RBFOX1: variants seen among roughly 807,000 people sequenced by gnomAD.
RBFOX1 encodes RNA binding protein fox-1 homolog 1.
RBFOX1 carries 8 observed loss-of-function variants against 57.7 expected under a neutral mutation model. That is an observed-to-expected ratio of 0.14 (90% CI 0.08 to 0.25). RBFOX1 has a LOEUF of 0.25. Among genes scored for constraint, RBFOX1 ranks in the 10% least tolerant of loss-of-function variants. The pLI, the probability that RBFOX1 is intolerant of heterozygous loss-of-function variation, is 1.00. For synonymous variants in RBFOX1, 326 were observed against 222.4 expected (o/e 1.47, Z -4.15); for missense variants, 611 against 548.5 (o/e 1.11, Z -1.14).
At chr16:5,976,348 A>G (rs796094297) in intron 4 of RBFOX1, among the ~76,000 whole-genome samples, 7 of 152,182 alleles carry the variant, frequency 4.6e-5, no homozygotes, top group African/African-American at 1.7e-4. Flanking sequence ...TTATGGCAGG[A>G]CTTAGTCTCT....
At chr16:7,374,391 G>A (rs17562769) in intron 4 of RBFOX1, among the ~76,000 whole-genome samples, 1,944 of 152,292 alleles carry the variant, frequency 0.013, 23 homozygotes, top group Non-Finnish European at 0.021. Context: ...TCAAATGAAT[G>A]TGTTGCTTAT....
chr16:6,996,080 A>G (rs2092205848), intron 3 of RBFOX1, among the ~76,000 whole-genome samples: 1 of 152,214 alleles, frequency 6.6e-6, no homozygotes, highest in South Asian at 2.1e-4. Context: ...GAAGACCATC[A>G]GTGATCCAAG....
intron 4 of RBFOX1, among the ~76,000 whole-genome samples, chr16:7,084,336 G>T (rs1014758917): frequency 6.6e-6 from 1 of 152,078 alleles, no homozygotes; most frequent in Non-Finnish European, 1.5e-5. Context: ...AGTAGTGGAG[G>T]AGGGAAGAAA....
chr16:7,372,794 A>G (rs1596723431), intron 4 of RBFOX1, among the ~76,000 whole-genome samples: 2 of 152,072 alleles, frequency 1.3e-5, no homozygotes, highest in East Asian at 3.9e-4. Context: ...GGAGGAAGAG[A>G]AGGAGGAAAA....
chr16:5,752,744 A>G (rs1206812960), intron 3 of RBFOX1, among the ~76,000 whole-genome samples: 1 of 152,156 alleles, frequency 6.6e-6, no homozygotes, highest in Non-Finnish European at 1.5e-5. Context: ...TGGCTGAGTA[A>G]TTTTGCCAAG....
chr16:7,252,878 A>G (rs2094544938), intron 4 of RBFOX1, among the ~76,000 whole-genome samples: 1 of 151,988 alleles, frequency 6.6e-6, no homozygotes, highest in South Asian at 2.1e-4. Context: ...CATATGACCT[A>G]CCCATATTTG....
At chr16:6,657,025 CTCCTG>C (rs1316570651) in intron 3 of RBFOX1, among the ~76,000 whole-genome samples, 14 of 111,968 alleles carry the variant, frequency 1.3e-4, no homozygotes, top group East Asian at 3.4e-4. Flanking sequence ...CCCCTTTCCT[CTCCTG>C]TCCTCCCCTT....
At chr16:6,661,570 A>G (rs900172233) in intron 3 of RBFOX1, among the ~76,000 whole-genome samples, 3 of 152,200 alleles carry the variant, frequency 2.0e-5, no homozygotes, top group African/African-American at 4.8e-5. Context: ...AGGTACTTAA[A>G]CTAGTATGAA....
chr16:5,864,846 A>C (rs1359709485), intron 3 of RBFOX1, among the ~76,000 whole-genome samples: 2 of 152,210 alleles, frequency 1.3e-5, no homozygotes, highest in Non-Finnish European at 2.9e-5. Flanking sequence ...GTTACCCCAC[A>C]GGCCCTGCCA....
chr16:6,445,867 C>T (rs1261060104), intron 2 of RBFOX1, among the ~76,000 whole-genome samples: 1 of 152,190 alleles, frequency 6.6e-6, no homozygotes, highest in Non-Finnish European at 1.5e-5. Flanking sequence ...TGGCGTGAGC[C>T]ACTGCGCCCG....
rs570735899 is a variant in RBFOX1, at chr16:6,386,080, C to T, written c.-64+69023C>T. On this transcript the variant is annotated intron_variant, in intron 2 of 15. Transcript: ENST00000550418. ...CCTCCCCAGTAGGTGGGACTACAGG[C>T]GCCCGCCACCGCGCCCGGCTAACTT... 6.6e-4 allele frequency among the ~76,000 whole-genome samples: 101 copies of T among 152,160 alleles called. 1 individual carries two copies. The highest frequency in any genetic ancestry group is 2.8e-3 in the Admixed American group (43 of 15,300).
intron 3 of RBFOX1, among the ~76,000 whole-genome samples, chr16:6,945,217 C>G (rs185579838): frequency 1.3e-5 from 2 of 152,106 alleles, no homozygotes; most frequent in African/African-American, 2.4e-5. Flanking sequence ...CAGCAAAGTT[C>G]CAGCTCAGCC....
At chr16:7,260,649 C>A (rs1028643220) in intron 4 of RBFOX1, among the ~76,000 whole-genome samples, 1 of 152,042 alleles carries the variant, frequency 6.6e-6, no homozygotes, top group Admixed American at 6.6e-5. Context: ...GTGTTATATT[C>A]CATTAGTTTA....
At chr16:7,308,023 C>G (rs1346357396) in intron 4 of RBFOX1, among the ~76,000 whole-genome samples, 1 of 152,204 alleles carries the variant, frequency 6.6e-6, no homozygotes, top group Non-Finnish European at 1.5e-5. Context: ...AGGAATAATT[C>G]TGAATACAAT....
intron 4 of RBFOX1, among the ~76,000 whole-genome samples, chr16:5,997,776 A>G (rs1359095533): frequency 1.3e-5 from 2 of 152,230 alleles, no homozygotes; most frequent in African/African-American, 2.4e-5. Flanking sequence ...CAACTAGGAG[A>G]TCATCAAATC....
chr16:5,604,255 A>G (rs1463038505), downstream of RBFOX1, among the ~76,000 whole-genome samples: 1 of 152,204 alleles, frequency 6.6e-6, no homozygotes, highest in Non-Finnish European at 1.5e-5. Flanking sequence ...ACACCTGTCT[A>G]CCATCTTATT....
chr16:6,231,219 T>TGC (rs1300947993), intron 1 of RBFOX1, among the ~76,000 whole-genome samples: 3 of 92,790 alleles, frequency 3.2e-5, no homozygotes, highest in African/African-American at 6.7e-5. Context: ...TATGTGTTTG[T>TGC]GTGTGTGTGT....
chr16:5,584,774 T>G (rs1596345766), intron 2 of RBFOX1, among the ~76,000 whole-genome samples: 2 of 152,190 alleles, frequency 1.3e-5, no homozygotes, highest in African/African-American at 4.8e-5. Context: ...TTGGGCCTGT[T>G]TCTTGATTCA....
intron 3 of RBFOX1, among the ~76,000 whole-genome samples, chr16:6,690,754 C>G (rs372152957): frequency 4.9e-5 from 2 of 40,436 alleles, no homozygotes; most frequent in Admixed American, 8.8e-4. Flanking sequence ...TCTTTTCTTT[C>G]TTTCTTTTTT....
Sources: gnomAD v4.1 joint callset for allele counts (sites outside exome capture counted in the v4.1 genomes callset) on GRCh38, gnomAD v4.1.1 for gene constraint, MANE v1.5 for transcripts, NCBI Gene and HGNC (gene_info 2026-07-23, HGNC 2026-07-21) for gene names.